Variants in GNAL observed in about 807,000 individuals in gnomAD.
GNAL encodes G protein subunit alpha L.
Under a neutral mutation model 55.1 loss-of-function variants are expected in GNAL, and 18 were observed. The ratio of observed to expected loss-of-function variants is 0.33; its 90% CI spans 0.23 to 0.48. The LOEUF is 0.48. Among genes scored for constraint, GNAL ranks in the 20% least tolerant of loss-of-function variants. The probability of loss-of-function intolerance (pLI) is 0.99; values close to 1 mark genes in which losing one functional copy is unlikely to be tolerated. For missense variants in GNAL, 412 were observed against 614.1 expected, an observed-to-expected ratio of 0.67 and a Z score of 3.48; for synonymous variants, 253 against 237.0, an observed-to-expected ratio of 1.07 and a Z score of -0.62.
rs62097368 is a variant in GNAL, at chr18:11,805,118, T to C, written c.625-19800T>C. On this transcript the variant is annotated intron_variant, in intron 4 of 11. Coordinates refer to ENST00000334049, the MANE Select transcript of GNAL (RefSeq NM_182978.4). The stretch of plus-strand genomic sequence containing the variant: ...GTACAGGTGCAATTTGAGTGGAACA[T>C]GGAGATATTGTGTAGTGGTGAAGTA... Among the ~76,000 whole-genome samples, 39 of 50,886 alleles carry C rather than the reference T, an allele frequency of 7.7e-4. 1 individual carries two copies. The highest frequency in any genetic ancestry group is 3.0e-3 in the South Asian group (4 of 1,340). 33.4% of individuals were successfully genotyped at this position (50,886 alleles called of 152,430 possible). A position where few individuals can be genotyped will look rare whatever the true frequency, so the allele number is the denominator to read the frequency against.
chr18:11,836,574 A>G (rs1001326006), intron 5 of GNAL, among the ~76,000 whole-genome samples: 2 of 152,228 alleles, frequency 1.3e-5, no homozygotes, highest in African/African-American at 4.8e-5. Flanking sequence ...TTTTATGCAC[A>G]TTAGATGAAC....
chr18:11,787,745 G>A (rs192710013), intron 4 of GNAL, among the ~76,000 whole-genome samples: 70 of 152,138 alleles, frequency 4.6e-4, no homozygotes, highest in Non-Finnish European at 7.6e-4. Context: ...ATGGTGGCGG[G>A]TGCCTGTAGT....
chr18:11,761,034 G>A lies in GNAL; in HGVS notation c.624+7089G>A, dbSNP rs1355711568. Among the ~76,000 whole-genome samples the A allele has an allele frequency of 2.0e-5, 3 of 152,292 alleles. No individual in the cohort carries two copies. The East Asian group carries it at 5.8e-4, about 29-fold the overall frequency. ...GCAATCCTGCTCTGCTGGAGGAAGT[G>A]GAGCAGAGCTAGCGCCATTCTTGGC... On this transcript the variant is annotated intron_variant, in intron 4 of 11. Coordinates refer to ENST00000334049, the MANE Select transcript of GNAL (RefSeq NM_182978.4).
At chr18:11,834,210 T>C (rs549938638) in intron 5 of GNAL, among the ~76,000 whole-genome samples, 1 of 152,254 alleles carries the variant, frequency 6.6e-6, no homozygotes, top group East Asian at 1.9e-4. Context: ...AAGAACAAAA[T>C]TGGAATTCAG....
At chr18:11,842,328 C>CT (rs2035635865) in intron 5 of GNAL, among the ~76,000 whole-genome samples, 1 of 152,054 alleles carries the variant, frequency 6.6e-6, no homozygotes, top group Admixed American at 6.6e-5. Flanking sequence ...GGCCCCCAGC[C>CT]TTTTTGGCAC....
intron 1 of GNAL, among the ~76,000 whole-genome samples, chr18:11,749,125 CAAAAAA>C (rs368135476): frequency 1.2e-5 from 1 of 86,548 alleles, no homozygotes; most frequent in African/African-American, 3.4e-5. Context: ...GACTCCATCT[CAAAAAA>C]AAAAAAAAAA....
At chr18:11,743,075 A>G (rs540736836) in intron 1 of GNAL, among the ~76,000 whole-genome samples, 11 of 152,332 alleles carry the variant, frequency 7.2e-5, no homozygotes, top group South Asian at 2.1e-4. Flanking sequence ...CCCTTATGGT[A>G]TATCCCCACT....
intron 5 of GNAL, among the ~76,000 whole-genome samples, chr18:11,828,367 CA>C (rs1395578480): frequency 6.6e-6 from 1 of 152,118 alleles, no homozygotes; most frequent in Non-Finnish European, 1.5e-5. Flanking sequence ...TTGTGCCACA[CA>C]CTCCAGCCTG....
intron 5 of GNAL, chr18:11,851,348 C>T (rs972431062): frequency 3.4e-5 from 32 of 927,936 alleles, no homozygotes; most frequent in Admixed American, 1.8e-4. Flanking sequence ...CCGCAGGCTC[C>T]GCCTTTGGCG....
chr18:11,734,532 G>A (rs1410285982), intron 1 of GNAL, among the ~76,000 whole-genome samples: 2 of 151,878 alleles, frequency 1.3e-5, no homozygotes, highest in Non-Finnish European at 2.9e-5. Context: ...GCATGGCTGT[G>A]TGGCTTAAAT....
chr18:11,739,879 A>C (rs2032539469), intron 1 of GNAL, among the ~76,000 whole-genome samples: 1 of 148,070 alleles, frequency 6.8e-6, no homozygotes. Flanking sequence ...ACTAATAAGC[A>C]CCCTATGGGG....
intron 4 of GNAL, among the ~76,000 whole-genome samples, chr18:11,788,928 T>TATACAC (rs373382357): frequency 8.7e-6 from 1 of 114,942 alleles, no homozygotes; most frequent in Admixed American, 9.9e-5. Context: ...TATATATATA[T>TATACAC]ATATATATAC....
At chr18:11,697,848 A>T (rs541635285) in intron 1 of GNAL, among the ~76,000 whole-genome samples, 2 of 152,334 alleles carry the variant, frequency 1.3e-5, no homozygotes, top group East Asian at 3.9e-4. Flanking sequence ...AGGGCCTTGG[A>T]TGTCCAGCGG....
intron 4 of GNAL, among the ~76,000 whole-genome samples, chr18:11,796,812 A>T (rs541282610): frequency 2.0e-5 from 3 of 152,324 alleles, no homozygotes; most frequent in African/African-American, 7.2e-5. Flanking sequence ...ATGGCTATGT[A>T]GCATTCATCA....
chr18:11,697,857 G>A (rs1185246455), intron 1 of GNAL, among the ~76,000 whole-genome samples: 1 of 152,294 alleles, frequency 6.6e-6, no homozygotes, highest in African/African-American at 2.4e-5. Context: ...GATGTCCAGC[G>A]GGCAGTGGCT....
chr18:11,856,117 T>C (rs1224228327), intron 5 of GNAL, among the ~76,000 whole-genome samples: 17 of 151,424 alleles, frequency 1.1e-4, no homozygotes, highest in Non-Finnish European at 2.1e-4. Flanking sequence ...CTCTTGGCAA[T>C]TCTGTAGCCA....
chr18:11,767,518 A>G (rs551675102), intron 4 of GNAL, among the ~76,000 whole-genome samples: 4 of 145,006 alleles, frequency 2.8e-5, no homozygotes, highest in African/African-American at 1.0e-4. Flanking sequence ...GCATCCTTAC[A>G]CTTGCATGCT....
chr18:11,709,461 A>G (rs756729003), intron 1 of GNAL, among the ~76,000 whole-genome samples: 2 of 151,312 alleles, frequency 1.3e-5, no homozygotes, highest in Non-Finnish European at 2.9e-5. Flanking sequence ...TTTTCCATTT[A>G]TTTGTATCTT....
chr18:11,727,055 C>A (rs2032228397), intron 1 of GNAL, among the ~76,000 whole-genome samples: 1 of 152,120 alleles, frequency 6.6e-6, no homozygotes, highest in Non-Finnish European at 1.5e-5. Context: ...GTCCTCCACA[C>A]CCCCAGCCCT....
Sources: gnomAD v4.1 joint callset for allele counts (sites outside exome capture counted in the v4.1 genomes callset) on GRCh38, gnomAD v4.1.1 for gene constraint, MANE v1.5 for transcripts, NCBI Gene and HGNC (gene_info 2026-07-23, HGNC 2026-07-21) for gene names.